Variants in TSTD2 observed in about 807,000 individuals in gnomAD.
TSTD2 encodes thiosulfate sulfurtransferase like domain containing 2, also known as thiosulfate sulfurtransferase/rhodanese-like domain-containing protein 2.
Under a neutral mutation model 47.9 loss-of-function variants are expected in TSTD2, and 37 were observed. The ratio of observed to expected loss-of-function variants is 0.77; its 90% CI spans 0.59 to 1.02. The LOEUF is 1.02. Among genes scored for constraint, TSTD2 ranks in the 50% least tolerant of loss-of-function variants. TSTD2 has a pLI of 0.00. For synonymous variants in TSTD2, 201 were observed against 215.9 expected (o/e 0.93, Z 0.61); for missense variants, 586 against 616.0 (o/e 0.95, Z 0.52).
intron 3 of TSTD2, among the ~76,000 whole-genome samples, chr9:97,622,730 G>A (rs537820660): frequency 2.6e-5 from 4 of 152,244 alleles, no homozygotes; most frequent in Non-Finnish European, 1.5e-5. Flanking sequence ...TGTGAGACAC[G>A]GAGTCAAAGG....
chr9:97,621,759 T>G (rs1029824683), intron 3 of TSTD2, among the ~76,000 whole-genome samples: 8 of 152,240 alleles, frequency 5.3e-5, no homozygotes, highest in Non-Finnish European at 1.2e-4. Context: ...AGATGTTTAT[T>G]AAAGACAATG....
chr9:97,621,701 G>A (rs893103304), intron 3 of TSTD2, among the ~76,000 whole-genome samples: 7 of 152,152 alleles, frequency 4.6e-5, no homozygotes, highest in Admixed American at 1.3e-4. Context: ...CCAGCCTGGC[G>A]AATTCTAGTC....
At chr9:97,626,209 G>A (rs1247408991) in intron 2 of TSTD2, among the ~76,000 whole-genome samples, 1 of 147,770 alleles carries the variant, frequency 6.8e-6, no homozygotes, top group African/African-American at 2.7e-5. Flanking sequence ...TTATATTGAG[G>A]AGGTTAAATA....
intron 3 of TSTD2, among the ~76,000 whole-genome samples, chr9:97,622,497 T>A (rs1826655950): frequency 6.6e-6 from 1 of 152,022 alleles, no homozygotes; most frequent in African/African-American, 2.4e-5. Context: ...CAACACAGAG[T>A]TCCCACTGAG....
At chr9:97,607,374 GAT>G (rs1364808093) in intron 6 of TSTD2, among the ~76,000 whole-genome samples, 2 of 152,132 alleles carry the variant, frequency 1.3e-5, no homozygotes, top group African/African-American at 4.8e-5. Context: ...TACCACTCAT[GAT>G]AAAGCTTTAC....
intron 4 of TSTD2, among the ~76,000 whole-genome samples, chr9:97,613,971 G>C (rs918571813): frequency 7.2e-5 from 11 of 151,954 alleles, no homozygotes; most frequent in Non-Finnish European, 1.0e-4. Context: ...TGGGACTACA[G>C]GTGCCCGCCA....
At chr9:97,629,859 G>C (rs1379099172) in intron 1 of TSTD2, among the ~76,000 whole-genome samples, 1 of 152,188 alleles carries the variant, frequency 6.6e-6, no homozygotes, top group African/African-American at 2.4e-5. Context: ...GTACATTTGG[G>C]AGGTAACATT....
intron 1 of TSTD2, among the ~76,000 whole-genome samples, chr9:97,632,920 A>G (rs1025782865): frequency 2.6e-5 from 4 of 152,266 alleles, no homozygotes; most frequent in East Asian, 3.8e-4. Flanking sequence ...GACAAAGCAG[A>G]TAAGCCAGTA....
rs200288642 is a variant in TSTD2 at position 97,632,884 on chromosome 9, G to A, written c.-51+359C>T. On this transcript the variant is annotated intron_variant, in intron 1 of 9. Coordinates refer to ENST00000341170, the MANE Select transcript of TSTD2 (RefSeq NM_139246.5). ...GTAAGACCGAAGGAGAATTAGGCCGGGAGAGTGAAATTTCAGATGGCCATG... is the reference window on the plus strand; with the variant it reads ...GTAAGACCGAAGGAGAATTAGGCCGAGAGAGTGAAATTTCAGATGGCCATG... Among the ~76,000 whole-genome samples, 26 of 152,326 alleles carry A rather than the reference G, an allele frequency of 1.7e-4. No individual in the cohort carries two copies. In the East Asian group the frequency reaches 4.8e-3, roughly 28 times the overall value.
chr9:97,602,329 G>T lies in TSTD2; in HGVS notation c.*140C>A. ...GTGACTCCTCCCCTCCCGCTGTGAAGTGTAGACGGCTGCCACGGTGGCAGC... is the reference window on the plus strand; with the variant it reads ...GTGACTCCTCCCCTCCCGCTGTGAATTGTAGACGGCTGCCACGGTGGCAGC... On this transcript the variant is annotated 3_prime_UTR_variant, in exon 10 of 10. Coordinates refer to ENST00000341170, the MANE Select transcript of TSTD2 (RefSeq NM_139246.5). 1 of 999,016 alleles carries T rather than the reference G, an allele frequency of 1.0e-6. No homozygotes were observed. The allele number at this position is 999,016 out of a possible 1,614,324, so 61.9% of individuals were successfully genotyped here. A position where few individuals can be genotyped will look rare whatever the true frequency, so the allele number is the denominator to read the frequency against.
In TSTD2 at chr9:97,602,308, C is replaced by G. The variant is rs1826274867; in HGVS notation, c.*161G>C. The G allele has an allele frequency of 1.3e-6, 1 of 792,834 alleles. No individual in the cohort carries two copies. The highest frequency in any genetic ancestry group is 1.7e-5 in the African/African-American group (1 of 57,384). The allele number at this position is 792,834 out of a possible 1,614,324, so 49.1% of individuals were successfully genotyped here. A position where few individuals can be genotyped will look rare whatever the true frequency, so the allele number is the denominator to read the frequency against. On this transcript the variant is annotated 3_prime_UTR_variant, in exon 10 of 10. Transcript: ENST00000341170. ...CTCAGGTAAGTGGTAGACAACGTGA[C>G]TCCTCCCCTCCCGCTGTGAAGTGTA...
chr9:97,620,021 TATTC>T (rs1319498696), intron 3 of TSTD2, among the ~76,000 whole-genome samples: 11 of 152,222 alleles, frequency 7.2e-5, no homozygotes, highest in Non-Finnish European at 1.5e-5. Flanking sequence ...TCCTAAAACA[TATTC>T]AGCTCAGAAA....
At chr9:97,620,613 A>G (rs1476455485) in intron 3 of TSTD2, among the ~76,000 whole-genome samples, 2 of 152,202 alleles carry the variant, frequency 1.3e-5, no homozygotes, top group East Asian at 3.9e-4. Context: ...AAATGCTGAT[A>G]ATGATATGGA....
chr9:97,611,571 T>A lies in TSTD2; in HGVS notation c.729+3A>T. On this transcript the variant is annotated splice_donor_region_variant and intron_variant, in intron 5 of 9. Coordinates refer to ENST00000341170, the MANE Select transcript of TSTD2 (RefSeq NM_139246.5). ...GATCCATTTAATTTTCATTTTCTCT[T>A]ACCTTAAAATCATCTTTACACAGGT... The A allele has an allele frequency of 1.9e-6, 3 of 1,582,586 alleles. No individual in the cohort carries two copies. The highest frequency in any genetic ancestry group is 2.6e-6 in the Non-Finnish European group (3 of 1,154,232).
intron 3 of TSTD2, 48 bp downstream of exon 3, chr9:97,625,633 T>C (rs756858588): frequency 1.6e-5 from 24 of 1,535,328 alleles, no homozygotes; most frequent in South Asian, 1.5e-4. Context: ...CTCATTGTGG[T>C]TGGAAAAATA....
chr9:97,625,770 C>A lies in TSTD2; in HGVS notation c.393G>T (p.Lys131Asn), dbSNP rs371140600. Residue 131 changes from lysine to asparagine, a missense_variant, in exon 3 of 10, where the codon AAG becomes AAT. Transcript: ENST00000341170. ...GTGGAAGGCACTCTTTTAAAGGGTT[C>A]TTTTCATCTGCAGACGAAAGACTCT... Reference protein sequence around the residue: ...TSKSLSSADEKNPLKECLPHS... With the variant: ...TSKSLSSADENNPLKECLPHS... The A allele has an allele frequency of 6.2e-7, 1 of 1,614,162 alleles. No homozygotes were observed. The highest frequency in any genetic ancestry group is 1.3e-5 in the African/African-American group (1 of 75,056).
At chr9:97,615,475 T>C (rs962295228) in intron 4 of TSTD2, among the ~76,000 whole-genome samples, 5 of 152,244 alleles carry the variant, frequency 3.3e-5, no homozygotes, top group African/African-American at 7.2e-5. Context: ...GCCTTCAATG[T>C]ATCCCCTCAA....
At chr9:97,613,923 G>T (rs1826500340) in intron 4 of TSTD2, among the ~76,000 whole-genome samples, 1 of 150,770 alleles carries the variant, frequency 6.6e-6, no homozygotes, top group Non-Finnish European at 1.5e-5. Context: ...CCGCCTCCCA[G>T]GTTCACACCA....
chr9:97,606,861 G>A (rs1386666671), intron 6 of TSTD2, among the ~76,000 whole-genome samples: 1 of 152,146 alleles, frequency 6.6e-6, no homozygotes, highest in East Asian at 1.9e-4. Flanking sequence ...GAGTAAAAGA[G>A]AAAAGGGCAA....
Sources: allele counts gnomAD v4.1 joint callset (sites outside exome capture counted in the v4.1 genomes callset), GRCh38; gene constraint gnomAD v4.1.1; transcripts MANE v1.5; gene names NCBI Gene and HGNC (gene_info 2026-07-23, HGNC 2026-07-21).